Variants in TRIM47 observed in about 807,000 individuals in gnomAD.
TRIM47 encodes E3 ubiquitin-protein ligase TRIM47.
A neutral mutation model predicts 54.4 loss-of-function variants in TRIM47; 46 were observed. The observed-to-expected ratio is 0.84, with a 90% CI of 0.67 to 1.08. The LOEUF (loss-of-function observed/expected upper bound fraction) is 1.08. TRIM47 is among the 50% of genes least tolerant of loss of function. The probability of loss-of-function intolerance (pLI) is 0.00; values close to 1 mark genes in which losing one functional copy is unlikely to be tolerated. For missense variants in TRIM47, 825 were observed against 910.1 expected, an observed-to-expected ratio of 0.91 and a Z score of 1.20; for synonymous variants, 392 against 410.2, an observed-to-expected ratio of 0.96 and a Z score of 0.54.
chr17:75,874,376 G>A lies in TRIM47; in HGVS notation c.*107C>T. 2 of 1,084,812 alleles carry A rather than the reference G, an allele frequency of 1.8e-6. No individual in the cohort carries two copies. The highest frequency in any genetic ancestry group is 2.6e-6 in the Non-Finnish European group (2 of 780,730). The allele number at this position is 1,084,812 out of a possible 1,614,324, so 67.2% of individuals were successfully genotyped here. On this transcript the variant is annotated 3_prime_UTR_variant, in exon 6 of 6. Transcript: ENST00000254816. The surrounding 1 kb of genome is among the most constrained non-coding windows in gnomAD (Gnocchi z 6.2). ...AGGTGGAAGCCTCTAGAAATGAGAA[G>A]GCTGGGTGTGTGGGACTCATGCTGG...
rs151121467 is a variant in TRIM47, at chr17:75,876,818, G to T, written c.676-5C>A. Reference sequence around the variant, plus strand: ...CAGGACTTTGGACTGCTCAGCCTGTGGACAACACCCTCCATGAGTGTGAGG... The same window carrying T: ...CAGGACTTTGGACTGCTCAGCCTGTTGACAACACCCTCCATGAGTGTGAGG... On this transcript the variant is annotated splice_polypyrimidine_tract_variant and splice_region_variant and intron_variant, in intron 1 of 5. Coordinates refer to ENST00000254816, the MANE Select transcript of TRIM47 (RefSeq NM_033452.3). The T allele has an allele frequency of 7.2e-3, 11,629 of 1,613,738 alleles. 57 individuals carry two copies. The highest frequency in any genetic ancestry group is 8.6e-3 in the Non-Finnish European group (10,091 of 1,179,928).
At position 75,875,841 on chromosome 17, in the gene TRIM47, G is replaced by A; in HGVS notation, c.1201+60C>T. On this transcript the variant is annotated intron_variant, in intron 4 of 5. Coordinates refer to ENST00000254816, the MANE Select transcript of TRIM47 (RefSeq NM_033452.3). The surrounding 1 kb of genome is among the most constrained non-coding windows in gnomAD (Gnocchi z 6.1). Reference sequence around the variant, plus strand: ...ACTTCTGGATGGGCGCCAGGCCTGGGGGCCTGTGCGAGAGGCTGGCAGAGG... The same window carrying A: ...ACTTCTGGATGGGCGCCAGGCCTGGAGGCCTGTGCGAGAGGCTGGCAGAGG... The A allele has an allele frequency of 2.6e-6, 4 of 1,553,078 alleles. No homozygotes were observed. The South Asian group carries it at 3.4e-5, about 13-fold the overall frequency.
chr17:75,874,958 G>A lies in TRIM47; in HGVS notation c.1442C>T (p.Thr481Ile), dbSNP rs1294244167. ...GATAATCTCCACCTCCCAGTAGTAG[G>A]TGCCTCGGTCCAGGGCACCCTCGCC... ...VLGEGALDRG[T>I]YYWEVEIIEG... Residue 481 changes from threonine (T) to isoleucine (I), a missense_variant, in exon 6 of 6, where the codon ACC becomes ATC. By Grantham distance (89) the Thr-to-Ile change is moderately conservative (BLOSUM62 -1). Coordinates refer to ENST00000254816, the MANE Select transcript of TRIM47 (RefSeq NM_033452.3). The surrounding 1 kb of genome is among the most constrained non-coding windows in gnomAD (Gnocchi z 6.2). 2 of 1,614,132 alleles carry A rather than the reference G, an allele frequency of 1.2e-6. No homozygotes were observed. Among genetic ancestry groups the A allele is most frequent in the East Asian group, 2.2e-5 (1 of 44,866 alleles).
intron 2 of TRIM47, 75 bp from the exon 3 acceptor site, chr17:75,876,567 C>A: frequency 6.6e-7 from 1 of 1,504,710 alleles, no homozygotes. Flanking sequence ...CTTCCCTGAC[C>A]CCGGCTTCCC....
intron 1 of TRIM47, chr17:75,877,534 C>T (rs1599438085): frequency 4.3e-6 from 2 of 465,656 alleles, no homozygotes; most frequent in African/African-American, 2.0e-5. Flanking sequence ...CTGAGACCGG[C>T]GTGACCCTCC....
At chr17:75,877,018 G>A (rs2065139738) in intron 1 of TRIM47, 7 of 584,758 alleles carry the variant, frequency 1.2e-5, no homozygotes, top group Non-Finnish European at 1.8e-5. Flanking sequence ...CCTGGGGGGC[G>A]TGCAGGCTGA....
chr17:75,876,846 T>C, intron 1 of TRIM47, 33 bp from the exon 2 acceptor site: 6 of 1,606,458 alleles, frequency 3.7e-6, no homozygotes, highest in Non-Finnish European at 5.1e-6. Context: ...GTGTGAGGTC[T>C]GGCAGAGGCC....
At position 75,874,926 on chromosome 17, in the gene TRIM47, A is replaced by G; in HGVS notation, c.1474T>C (p.Trp492Arg). 6.2e-7 allele frequency: 1 copy of G among 1,614,106 alleles called. No homozygotes were observed. Among genetic ancestry groups the G allele is most frequent in the Non-Finnish European group, 8.5e-7 (1 of 1,180,000 alleles). The change falls in exon 6 of 6, where the codon TGG becomes CGG. Residue 492 changes from tryptophan to arginine, a missense_variant. Coordinates refer to ENST00000254816, the MANE Select transcript of TRIM47 (RefSeq NM_033452.3). The surrounding 1 kb of genome is among the most constrained non-coding windows in gnomAD (Gnocchi z 6.2). ...YYWEVEIIEG[W>R]VSMGVMAEDF... is the part of the protein sequence containing the mutation. Reference sequence around the variant, plus strand: ...TCGGCCATGACCCCCATGCTGACCCAGCCCTCGATAATCTCCACCTCCCAG... The same window carrying G: ...TCGGCCATGACCCCCATGCTGACCCGGCCCTCGATAATCTCCACCTCCCAG...
In TRIM47 at chr17:75,877,925, C is replaced by G; in HGVS notation, c.624G>C (p.Glu208Asp). 1 of 1,438,582 alleles carries G rather than the reference C, an allele frequency of 7.0e-7. No homozygotes were observed. Among genetic ancestry groups the G allele is most frequent in the Non-Finnish European group, 9.1e-7 (1 of 1,100,208 alleles). 89.1% of individuals were successfully genotyped at this position (1,438,582 alleles called of 1,614,324 possible). A position where few individuals can be genotyped will look rare whatever the true frequency, so the allele number is the denominator to read the frequency against. Residue 208 changes from glutamate to aspartate, a missense_variant, in exon 1 of 6, where the codon GAG becomes GAC. Coordinates refer to ENST00000254816, the MANE Select transcript of TRIM47 (RefSeq NM_033452.3). ...GCGGCACCAGCTCGTGGCCGCGGTGCTCCTGTGCGGCGCAGGCCTCGCACA... is the reference window on the plus strand; with the variant it reads ...GCGGCACCAGCTCGTGGCCGCGGTGGTCCTGTGCGGCGCAGGCCTCGCACA... The part of the protein sequence containing the change: ...VCLCEACAAQ[E>D]HRGHELVPLE...
intron 1 of TRIM47, chr17:75,877,154 T>C (rs1414924939): frequency 6.1e-6 from 2 of 329,854 alleles, no homozygotes; most frequent in East Asian, 5.7e-5. Flanking sequence ...GCCAGTTAGG[T>C]TGGGAGGTGG....
rs540460298 is a variant in TRIM47, at chr17:75,878,282, G to T, written c.267C>A (p.Pro89=). Residue 89 remains proline (P), a synonymous_variant, in exon 1 of 6, where the codon CCC becomes CCA. Transcript: ENST00000254816. The part of the protein sequence containing the change: ...LRQGSGPGSG[P]GPAPALAPEP... Reference sequence around the variant, plus strand: ...CCGGGGCCAGGGCAGGGGCCGGGCCGGGGCCGGACCCGGGGCCCGAGCCCT... The same window carrying T: ...CCGGGGCCAGGGCAGGGGCCGGGCCTGGGCCGGACCCGGGGCCCGAGCCCT... The T allele has an allele frequency of 7.9e-7, 1 of 1,262,580 alleles. No individual in the cohort carries two copies. Among genetic ancestry groups the T allele is most frequent in the Non-Finnish European group, 1.0e-6 (1 of 1,003,096 alleles). The allele number at this position is 1,262,580 out of a possible 1,614,324, so 78.2% of individuals were successfully genotyped here.
At position 75,874,376 on chromosome 17, in the gene TRIM47, G is replaced by T. The variant is rs779296825; in HGVS notation, c.*107C>A. ...AGGTGGAAGCCTCTAGAAATGAGAA[G>T]GCTGGGTGTGTGGGACTCATGCTGG... On this transcript the variant is annotated 3_prime_UTR_variant, in exon 6 of 6. Coordinates refer to ENST00000254816, the MANE Select transcript of TRIM47 (RefSeq NM_033452.3). This position sits in a 1 kb window ranked among gnomAD's most constrained non-coding sequence, Gnocchi z 6.2. 2 of 1,084,812 alleles carry T rather than the reference G, an allele frequency of 1.8e-6. No individual in the cohort carries two copies. Among genetic ancestry groups the T allele is most frequent in the South Asian group, 2.2e-5 (1 of 46,338 alleles). The allele number at this position is 1,084,812 out of a possible 1,614,324, so 67.2% of individuals were successfully genotyped here. A position where few individuals can be genotyped will look rare whatever the true frequency, so the allele number is the denominator to read the frequency against.
Position 75,874,578 on chromosome 17 carries a change from T to A in TRIM47, c.1822A>T (p.Arg608Ter). The A allele has an allele frequency of 1.9e-6, 3 of 1,538,562 alleles. No individual in the cohort carries two copies. The highest frequency in any genetic ancestry group is 2.6e-6 in the Non-Finnish European group (3 of 1,144,250). ...DSHFAGLFTH[R>*]LKPAFFLESV... Reference sequence around the variant, plus strand: ...TCCAGGAAGAAGGCAGGCTTGAGTCTGTGGGTGAAGAGCCCCGCAAAGTGA... The same window carrying A: ...TCCAGGAAGAAGGCAGGCTTGAGTCAGTGGGTGAAGAGCCCCGCAAAGTGA... The change falls in exon 6 of 6, where the codon AGA (arginine) becomes TGA (stop). Residue 608 changes from arginine (R) to a stop codon, truncating the protein, a stop_gained. Transcript: ENST00000254816. LOFTEE classifies it high-confidence loss of function. This position sits in a 1 kb window ranked among gnomAD's most constrained non-coding sequence, Gnocchi z 6.2.
chr17:75,876,033 G>A lies in TRIM47; in HGVS notation c.1069C>T (p.Leu357Phe). ...GCTTGGGATGATTTGGTGAAGCTGAGCTCCCTCGGGGGTCCAGGCCCAGGG... is the reference window on the plus strand; with the variant it reads ...GCTTGGGATGATTTGGTGAAGCTGAACTCCCTCGGGGGTCCAGGCCCAGGG... ...CGPGPGPPRE[L>F]SFTKSSQAVR... The change falls in exon 4 of 6, where the codon CTC (leucine) becomes TTC (phenylalanine). Residue 357 changes from leucine to phenylalanine, a missense_variant. Leu to Phe is a conservative substitution (Grantham distance 22). Coordinates refer to ENST00000254816, the MANE Select transcript of TRIM47 (RefSeq NM_033452.3). 6.2e-7 allele frequency: 1 copy of A among 1,603,474 alleles called. No homozygotes were observed. The highest frequency in any genetic ancestry group is 8.5e-7 in the Non-Finnish European group (1 of 1,179,966).
At chr17:75,877,046 G>A in intron 1 of TRIM47, 2 of 566,020 alleles carry the variant, frequency 3.5e-6, no homozygotes, top group South Asian at 2.1e-5. Flanking sequence ...TCTGCCTCGG[G>A]TCTCTGACAG....
At position 75,874,230 on chromosome 17, in the gene TRIM47, G is replaced by A. The variant is rs2143964318; in HGVS notation, c.*253C>T. ...ACACTATTCTAGAAACCTGGGAAAG[G>A]AGGGGTTAGGGTAGCTTGGAGCTGT... On this transcript the variant is annotated 3_prime_UTR_variant, in exon 6 of 6. Transcript: ENST00000254816. This position sits in a 1 kb window ranked among gnomAD's most constrained non-coding sequence, Gnocchi z 6.2. The A allele has an allele frequency of 2.6e-6, 1 of 383,824 alleles. No homozygotes were observed. Among genetic ancestry groups the A allele is most frequent in the Non-Finnish European group, 4.6e-6 (1 of 216,092 alleles). 23.8% of individuals were successfully genotyped at this position (383,824 alleles called of 1,614,324 possible).
Position 75,876,449 on chromosome 17 carries a change from G to GCAAA in TRIM47, c.811_814dup (p.Ala272ValfsTer33). 6.2e-7 allele frequency: 1 copy of GCAAA among 1,610,818 alleles called. No homozygotes were observed. The highest frequency in any genetic ancestry group is 8.5e-7 in the Non-Finnish European group (1 of 1,179,778). On this transcript the variant is annotated frameshift_variant, in exon 3 of 6. Transcript: ENST00000254816. LOFTEE classifies it high-confidence loss of function. ...GCCCTGCAGGGCGGCCGCAGCATCTGCAAACAGCCGGCTCACCCTCTCCCG... is the reference window on the plus strand; with the variant it reads ...GCCCTGCAGGGCGGCCGCAGCATCTGCAAACAAACAGCCGGCTCACCCTCTCCCG...
At position 75,876,751 on chromosome 17, in the gene TRIM47, A is replaced by G; in HGVS notation, c.738T>C (p.Ile246=). Residue 246 remains isoleucine (I), a synonymous_variant, in exon 2 of 6, where the codon ATT becomes ATC. Transcript: ENST00000254816. ...GGGCCACTGTGCGCCTGGACTGTGC[A>G]ATGCCAGCACCCAGCTCGTCCATGC... The part of the protein sequence containing the change: ...EDRMDELGAG[I]AQSRRTVALI... The G allele has an allele frequency of 6.2e-7, 1 of 1,614,178 alleles. No homozygotes were observed. Among genetic ancestry groups the G allele is most frequent in the African/African-American group, 1.3e-5 (1 of 75,052 alleles).
rs751808891 is a variant in TRIM47, at chr17:75,875,444, G to A, written c.1232C>T (p.Thr411Met). Residue 411 changes from threonine to methionine, a missense_variant, in exon 5 of 6, where the codon ACG becomes ATG. Thr to Met is a moderately conservative substitution (Grantham distance 81). Transcript: ENST00000254816. This position sits in a 1 kb window ranked among gnomAD's most constrained non-coding sequence, Gnocchi z 6.1. ...ADAEPQDLES[T>M]NLLESEAPRD... ...GGGAGCTTCACTCTCCAAGAGGTTC[G>A]TACTCTCGAGGTCTTGGGGCTCAGC... 1.5e-5 allele frequency: 25 copies of A among 1,613,926 alleles called. No homozygotes were observed. The highest frequency in any genetic ancestry group is 1.7e-5 in the Non-Finnish European group (20 of 1,179,988).
Sources: gnomAD v4.1 joint callset for allele counts on GRCh38, gnomAD v4.1.1 for gene constraint, Gnocchi (gnomAD v3.1) non-coding constraint, MANE v1.5 for transcripts, NCBI Gene and HGNC (gene_info 2026-07-23, HGNC 2026-07-21) for gene names.